Variants in SOX6 observed in about 807,000 individuals in gnomAD.
SOX6 encodes the protein SRY-box transcription factor 6.
In SOX6, 11 loss-of-function variants were observed where a neutral mutation model predicts 97.8. The observed-to-expected ratio is 0.11, with a 90% CI of 0.07 to 0.19. The LOEUF is 0.19. SOX6 is among the 10% of genes least tolerant of loss of function. The pLI, the probability that SOX6 is intolerant of heterozygous loss-of-function variation, is 1.00. For synonymous variants in SOX6, 360 were observed against 371.4 expected, an observed-to-expected ratio of 0.97 and a Z score of 0.35; for missense variants, 810 against 1,039.5, an observed-to-expected ratio of 0.78 and a Z score of 3.04.
intron 13 of SOX6, among the ~76,000 whole-genome samples, chr11:15,994,985 C>T (rs769708061): frequency 6.6e-5 from 10 of 152,128 alleles, no homozygotes; most frequent in Non-Finnish European, 1.3e-4. Context: ...CCCATGAAGA[C>T]GCTTTCTGGT....
At chr11:16,447,636 T>C (rs1859639734) in intron 1 of SOX6, among the ~76,000 whole-genome samples, 2 of 152,200 alleles carry the variant, frequency 1.3e-5, no homozygotes, top group South Asian at 4.1e-4. Flanking sequence ...CTAATGATTT[T>C]ATTCAAACAA....
chr11:16,702,899 T>A (rs940278679), intron 3 of SOX6, among the ~76,000 whole-genome samples: 6 of 149,256 alleles, frequency 4.0e-5, no homozygotes, highest in African/African-American at 1.5e-4. Context: ...CTAAAATATA[T>A]ATACATATAT....
chr11:16,655,631 G>A (rs951139492), intron 3 of SOX6, among the ~76,000 whole-genome samples: 1 of 152,102 alleles, frequency 6.6e-6, no homozygotes, highest in Non-Finnish European at 1.5e-5. Context: ...TCTTTGTTTA[G>A]AATATTGCTT....
chr11:16,543,404 TA>T (rs143482970), intron 4 of SOX6, among the ~76,000 whole-genome samples: 63 of 145,316 alleles, frequency 4.3e-4, no homozygotes, highest in South Asian at 4.3e-4. Context: ...TCTAAGCCAG[TA>T]AAAAAAAAAA....
chr11:16,501,428 T>A (rs867164940), intron 4 of SOX6, among the ~76,000 whole-genome samples: 1 of 152,054 alleles, frequency 6.6e-6, no homozygotes, highest in South Asian at 2.1e-4. Context: ...AAACACCAAA[T>A]GCAATGGCAA....
At chr11:16,088,843 C>T (rs1395000925) in intron 9 of SOX6, among the ~76,000 whole-genome samples, 2 of 152,126 alleles carry the variant, frequency 1.3e-5, no homozygotes, top group Non-Finnish European at 2.9e-5. Flanking sequence ...TAGGCTTGCA[C>T]TTTGTATAGT....
At chr11:16,142,950 T>TC (rs2134042496) in intron 6 of SOX6, among the ~76,000 whole-genome samples, 1 of 152,014 alleles carries the variant, frequency 6.6e-6, no homozygotes, top group Non-Finnish European at 1.5e-5. Flanking sequence ...CAGGAGAATA[T>TC]CCCCAACCTA....
chr11:15,988,875 G>C (rs572816292), intron 14 of SOX6, 122 bp downstream of exon 14: 2 of 979,274 alleles, frequency 2.0e-6, no homozygotes, highest in South Asian at 1.5e-5. Context: ...GCTGACCTTC[G>C]TCTAACTTGC....
chr11:16,510,559 G>C (rs138833409), intron 4 of SOX6, among the ~76,000 whole-genome samples: 1 of 151,926 alleles, frequency 6.6e-6, no homozygotes, highest in East Asian at 1.9e-4. Flanking sequence ...TTAAAGCAAG[G>C]GCAATTTAGT....
intron 7 of SOX6, among the ~76,000 whole-genome samples, chr11:16,100,847 C>G (rs989675665): frequency 3.6e-4 from 54 of 150,844 alleles, no homozygotes; most frequent in Admixed American, 1.1e-3. Context: ...GTTGCAGTAT[C>G]CTGAGATAGT....
At chr11:16,358,865 T>C (rs1201985661), upstream of SOX6, among the ~76,000 whole-genome samples, 1 of 152,142 alleles carries the variant, frequency 6.6e-6, no homozygotes, top group South Asian at 2.1e-4. Context: ...AATTGGCTTG[T>C]GAACCAGAGA....
chr11:16,087,518 C>G (rs189986162), intron 9 of SOX6, among the ~76,000 whole-genome samples: 3 of 152,106 alleles, frequency 2.0e-5, no homozygotes, highest in Non-Finnish European at 4.4e-5. Flanking sequence ...TTATTGACAG[C>G]CTGAGTACAT....
At chr11:16,247,787 G>C (rs188788286) in intron 3 of SOX6, among the ~76,000 whole-genome samples, 6 of 152,056 alleles carry the variant, frequency 3.9e-5, no homozygotes, top group Non-Finnish European at 8.8e-5. Flanking sequence ...TTTTGCCCCT[G>C]GTCCCTCCCA....
At chr11:16,703,096 T>C (rs1848106844) in intron 3 of SOX6, among the ~76,000 whole-genome samples, 1 of 151,876 alleles carries the variant, frequency 6.6e-6, no homozygotes, top group Non-Finnish European at 1.5e-5. Flanking sequence ...ATGTATCTTA[T>C]ATGTTTGTAC....
chr11:16,560,104 G>T (rs1350647167), intron 4 of SOX6, among the ~76,000 whole-genome samples: 1 of 152,120 alleles, frequency 6.6e-6, no homozygotes, highest in African/African-American at 2.4e-5. Context: ...ATTCTTATGA[G>T]TTAAATGCTG....
At chr11:16,257,147 T>C (rs1469547440) in intron 3 of SOX6, among the ~76,000 whole-genome samples, 1 of 151,918 alleles carries the variant, frequency 6.6e-6, no homozygotes, top group Non-Finnish European at 1.5e-5. Flanking sequence ...ATTTGATCTA[T>C]AGATTCAATG....
chr11:16,466,451 T>G (rs925954652), intron 1 of SOX6, among the ~76,000 whole-genome samples: 1 of 152,104 alleles, frequency 6.6e-6, no homozygotes, highest in Non-Finnish European at 1.5e-5. Context: ...ATCACTGTTA[T>G]AAAATAAAAG....
intron 14 of SOX6, 124 bp from the exon 15 acceptor site, chr11:15,986,544 A>G: frequency 3.6e-6 from 3 of 833,204 alleles, no homozygotes; most frequent in Non-Finnish European, 6.0e-6. Flanking sequence ...ATTCCCACAT[A>G]CCACTGGCTG....
At chr11:16,341,451 TC>T (rs1404092612) in intron 1 of SOX6, among the ~76,000 whole-genome samples, 199 bp from the exon 2 acceptor site, 2 of 152,074 alleles carry the variant, frequency 1.3e-5, no homozygotes, top group Non-Finnish European at 1.5e-5. Context: ...GCAAACCTCT[TC>T]CCAGTAATTA....
Sources: gnomAD v4.1 joint callset for allele counts (sites outside exome capture counted in the v4.1 genomes callset) on GRCh38, gnomAD v4.1.1 for gene constraint, MANE v1.5 for transcripts, NCBI Gene and HGNC (gene_info 2026-07-23, HGNC 2026-07-21) for gene names.